B3GALT1: variants seen among roughly 807,000 people sequenced by gnomAD.
B3GALT1 encodes the protein UDP-Gal:betaGlcNAc beta 1,3-galactosyltransferase, polypeptide 1.
Under a neutral mutation model 23.2 loss-of-function variants are expected in B3GALT1, and 10 were observed. That is an observed-to-expected ratio of 0.43 (90% confidence interval 0.27 to 0.73). The LOEUF (loss-of-function observed/expected upper bound fraction) is 0.73. Among genes scored for constraint, B3GALT1 ranks in the 30% least tolerant of loss-of-function variants. The pLI, the probability that B3GALT1 is intolerant of heterozygous loss-of-function variation, is 0.21. For synonymous variants in B3GALT1, 156 were observed against 141.5 expected (o/e 1.10, Z -0.73); for missense variants, 299 against 405.4 (o/e 0.74, Z 2.25).
At chr2:167,578,559 G>A (rs1684424916) in intron 2 of B3GALT1, among the ~76,000 whole-genome samples, 1 of 151,730 alleles carries the variant, frequency 6.6e-6, no homozygotes, top group East Asian at 1.9e-4. Context: ...GCTCACCTTT[G>A]AAAATGTAGC....
rs1158305057 is a variant in B3GALT1, at chr2:167,611,465, T to TCAATTATGAAAGTGTTGAAAAGGCA, written c.-409-35440_-409-35416dup. 1.2e-4 allele frequency among the ~76,000 whole-genome samples: 19 copies of TCAATTATGAAAGTGTTGAAAAGGCA among 152,132 alleles called. No homozygotes were observed. In the South Asian group the frequency reaches 3.1e-3, roughly 25 times the overall value. On this transcript the variant is annotated intron_variant, in intron 2 of 4. Coordinates refer to ENST00000392690, the MANE Select transcript of B3GALT1 (RefSeq NM_020981.4). ...CAAATCTAGACTGTATGTTGGAGTTTCAATTATGAAAGTGTTGAAAAGGCA... is the reference window on the plus strand; with the variant it reads ...CAAATCTAGACTGTATGTTGGAGTTTCAATTATGAAAGTGTTGAAAAGGCACAATTATGAAAGTGTTGAAAAGGCA...
intron 2 of B3GALT1, among the ~76,000 whole-genome samples, chr2:167,529,748 A>G (rs1683289734): frequency 6.6e-6 from 1 of 151,744 alleles, no homozygotes; most frequent in African/African-American, 2.4e-5. Flanking sequence ...CTCAAAATAT[A>G]TCGAGAGCTT....
chr2:167,590,655 T>A (rs1323633660), intron 2 of B3GALT1, among the ~76,000 whole-genome samples: 1 of 152,196 alleles, frequency 6.6e-6, no homozygotes, highest in Non-Finnish European at 1.5e-5. Context: ...GATGACTTAG[T>A]GGCCAAAACT....
chr2:167,415,672 C>A (rs1264272684), intron 1 of B3GALT1, among the ~76,000 whole-genome samples: 1 of 152,076 alleles, frequency 6.6e-6, no homozygotes, highest in Non-Finnish European at 1.5e-5. Flanking sequence ...GATTGGTTAA[C>A]TAGTTGTGAC....
rs115541845 is a variant in B3GALT1, at chr2:167,844,191, G to A, written c.-229-24620G>A. ...GCACATGAAAATCTGCAGACTACAT[G>A]ATCCCATATTAATAAATGAAAATAT... On this transcript the variant is annotated intron_variant, in intron 4 of 4. Coordinates refer to ENST00000392690, the MANE Select transcript of B3GALT1 (RefSeq NM_020981.4). Among the ~76,000 whole-genome samples, 445 of 152,288 alleles carry A rather than the reference G, an allele frequency of 2.9e-3. 5 individuals are homozygous for A. The highest frequency in any genetic ancestry group is 0.01 in the African/African-American group (427 of 41,560).
chr2:167,476,409 C>T (rs1699487164), intron 1 of B3GALT1, among the ~76,000 whole-genome samples: 1 of 152,086 alleles, frequency 6.6e-6, no homozygotes, highest in African/African-American at 2.4e-5. Flanking sequence ...ATCATATTTG[C>T]CCACTGGGTT....
chr2:167,341,813 T>A lies in B3GALT1; in HGVS notation c.-511+48479T>A, dbSNP rs116565553. On this transcript the variant is annotated intron_variant, in intron 1 of 4. Coordinates refer to ENST00000392690, the MANE Select transcript of B3GALT1 (RefSeq NM_020981.4). Reference sequence around the variant, plus strand: ...AGATATTTCCTGTTGTTACTTGGTATGACTTTTGTAATCTTATTTATCCAA... The same window carrying A: ...AGATATTTCCTGTTGTTACTTGGTAAGACTTTTGTAATCTTATTTATCCAA... Among the ~76,000 whole-genome samples the A allele has an allele frequency of 7.7e-3, 1,179 of 152,376 alleles. 5 individuals carry two copies. The highest frequency in any genetic ancestry group is 0.027 in the Middle Eastern group (8 of 294).
intron 1 of B3GALT1, among the ~76,000 whole-genome samples, chr2:167,365,376 A>G (rs1189403653): frequency 6.6e-6 from 1 of 152,090 alleles, no homozygotes; most frequent in African/African-American, 2.4e-5. Flanking sequence ...GTTATGTTTC[A>G]TTTATTCTCA....
At chr2:167,444,761 T>C (rs1698953718) in intron 1 of B3GALT1, among the ~76,000 whole-genome samples, 1 of 152,216 alleles carries the variant, frequency 6.6e-6, no homozygotes, top group South Asian at 2.1e-4. Context: ...CTCCCTTTTC[T>C]TCTTCATTAG....
At chr2:167,455,950 G>A (rs76218071) in intron 1 of B3GALT1, among the ~76,000 whole-genome samples, 1,770 of 152,234 alleles carry the variant, frequency 0.012, 40 homozygotes, top group African/African-American at 0.041. Context: ...CTAATTTATG[G>A]CAAAGAGACC....
At chr2:167,486,209 A>G (rs919088821) in intron 1 of B3GALT1, among the ~76,000 whole-genome samples, 4 of 151,680 alleles carry the variant, frequency 2.6e-5, no homozygotes, top group African/African-American at 9.7e-5. Context: ...AAATACAAAA[A>G]TTAGCTGGGT....
chr2:167,519,345 C>G (rs555878206), intron 2 of B3GALT1, among the ~76,000 whole-genome samples: 34 of 152,254 alleles, frequency 2.2e-4, no homozygotes, highest in African/African-American at 7.7e-4. Flanking sequence ...TATAAATATT[C>G]TATCAAACTG....
intron 3 of B3GALT1, among the ~76,000 whole-genome samples, chr2:167,799,202 C>A (rs1208839312): frequency 1.3e-5 from 2 of 152,054 alleles, no homozygotes; most frequent in East Asian, 3.9e-4. Flanking sequence ...TTTTGTATTT[C>A]AATAGCTTTA....
intron 1 of B3GALT1, among the ~76,000 whole-genome samples, chr2:167,360,937 A>G (rs1697490262): frequency 6.6e-6 from 1 of 152,138 alleles, no homozygotes; most frequent in Non-Finnish European, 1.5e-5. Context: ...TAGCTCCCAC[A>G]TGAATGAGAA....
intron 3 of B3GALT1, among the ~76,000 whole-genome samples, chr2:167,789,116 A>G (rs1003346911): frequency 2.0e-5 from 3 of 152,210 alleles, no homozygotes; most frequent in African/African-American, 7.2e-5. Flanking sequence ...ATTAACTCGC[A>G]TGTCACATAA....
intron 1 of B3GALT1, among the ~76,000 whole-genome samples, chr2:167,346,471 T>C (rs888928795): frequency 1.3e-5 from 2 of 152,198 alleles, no homozygotes; most frequent in East Asian, 3.8e-4. Flanking sequence ...ATCTTTAAAC[T>C]GATCCCTTAT....
intron 3 of B3GALT1, among the ~76,000 whole-genome samples, chr2:167,767,764 C>T (rs140384247): frequency 8.3e-4 from 126 of 152,138 alleles, no homozygotes; most frequent in African/African-American, 2.9e-3. Context: ...ATTGTTATAA[C>T]ACTTTATAGT....
chr2:167,838,308 G>A (rs1417415545), intron 4 of B3GALT1, among the ~76,000 whole-genome samples: 1 of 152,156 alleles, frequency 6.6e-6, no homozygotes, highest in Non-Finnish European at 1.5e-5. Context: ...AAAGAGAGAA[G>A]AATCAAATAG....
At chr2:167,740,968 G>A (rs1687569172) in intron 3 of B3GALT1, among the ~76,000 whole-genome samples, 1 of 152,158 alleles carries the variant, frequency 6.6e-6, no homozygotes, top group Non-Finnish European at 1.5e-5. Context: ...CTGGCACTAG[G>A]TGTCATTGAT....
Sources: allele counts gnomAD v4.1 joint callset (sites outside exome capture counted in the v4.1 genomes callset), GRCh38; gene constraint gnomAD v4.1.1; transcripts MANE v1.5; gene names NCBI Gene and HGNC (gene_info 2026-07-23, HGNC 2026-07-21).